The following DPP10 variants were observed in gnomAD, a reference collection of about 807,000 sequenced individuals.
DPP10 encodes dipeptidyl peptidase like 10.
Under a neutral mutation model 120.9 loss-of-function variants are expected in DPP10, and 33 were observed. The ratio of observed to expected loss-of-function variants is 0.27; its 90% CI spans 0.21 to 0.37. The LOEUF is 0.37. Among genes scored for constraint, DPP10 ranks in the 10% least tolerant of loss-of-function variants. The pLI, the probability that DPP10 is intolerant of heterozygous loss-of-function variation, is 1.00. For synonymous variants in DPP10, 337 were observed against 326.1 expected (o/e 1.03, Z -0.36); for missense variants, 816 against 942.8 (o/e 0.87, Z 1.76).
chr2:114,523,394 C>T (rs979758994), intron 1 of DPP10, among the ~76,000 whole-genome samples: 6 of 152,130 alleles, frequency 3.9e-5, no homozygotes, highest in Admixed American at 2.6e-4. Context: ...GCTTTAGCAC[C>T]AGCACCCACA....
intron 1 of DPP10, among the ~76,000 whole-genome samples, chr2:114,946,208 T>C (rs1366760426): frequency 6.6e-6 from 1 of 152,240 alleles, no homozygotes; most frequent in Non-Finnish European, 1.5e-5. Context: ...CTATTGATAT[T>C]ATTAATTGTA....
intron 1 of DPP10, among the ~76,000 whole-genome samples, chr2:115,113,868 T>C (rs1189151929): frequency 1.3e-5 from 2 of 152,220 alleles, no homozygotes; most frequent in Non-Finnish European, 2.9e-5. Flanking sequence ...TATTGCCCTA[T>C]TGAAAACTGT....
At chr2:115,049,831 A>G (rs952702579) in intron 1 of DPP10, among the ~76,000 whole-genome samples, 4 of 152,170 alleles carry the variant, frequency 2.6e-5, no homozygotes, top group African/African-American at 9.7e-5. Context: ...TTTTAAAGTG[A>G]CATTTGAACA....
chr2:115,272,628 G>T (rs905535526), intron 1 of DPP10, among the ~76,000 whole-genome samples: 1 of 152,158 alleles, frequency 6.6e-6, no homozygotes, highest in Non-Finnish European at 1.5e-5. Context: ...GTTATTCCAC[G>T]TCTCCTTCTA....
intron 1 of DPP10, among the ~76,000 whole-genome samples, chr2:114,891,303 C>T (rs972723161): frequency 3.9e-5 from 6 of 152,114 alleles, no homozygotes; most frequent in Non-Finnish European, 7.4e-5. Context: ...CGTGGGGTCA[C>T]AGAATAAGTC....
chr2:115,817,473 G>A (rs1687372926), intron 21 of DPP10, among the ~76,000 whole-genome samples: 1 of 152,090 alleles, frequency 6.6e-6, no homozygotes. Context: ...CTTAAGAAAT[G>A]AGTAAAATAC....
At chr2:114,917,365 C>T (rs77948228) in intron 1 of DPP10, among the ~76,000 whole-genome samples, 1 of 151,976 alleles carries the variant, frequency 6.6e-6, no homozygotes, top group African/African-American at 2.4e-5. Context: ...GGATAGGAGT[C>T]AATATAGTTA....
intron 1 of DPP10, among the ~76,000 whole-genome samples, chr2:114,606,028 A>G (rs1475373428): frequency 6.6e-6 from 1 of 152,138 alleles, no homozygotes; most frequent in African/African-American, 2.4e-5. Context: ...TATCTCCCAA[A>G]TGTTGAAATA....
At chr2:114,997,079 G>A (rs1169535938) in intron 1 of DPP10, among the ~76,000 whole-genome samples, 1 of 151,352 alleles carries the variant, frequency 6.6e-6, no homozygotes, top group Non-Finnish European at 1.5e-5. Context: ...GATTATGTTA[G>A]GAAAAGTGAT....
chr2:114,930,768 T>C (rs1417689823), intron 1 of DPP10, among the ~76,000 whole-genome samples: 1 of 151,706 alleles, frequency 6.6e-6, no homozygotes, highest in African/African-American at 2.4e-5. Flanking sequence ...TCAATCACAG[T>C]GGAAGATGAA....
rs375988846 is a variant in DPP10, at chr2:114,646,091, C to T, written c.60+203253C>T. Among the ~76,000 whole-genome samples the T allele has an allele frequency of 9.8e-4, 149 of 151,794 alleles. 1 individual carries two copies. The highest frequency in any genetic ancestry group is 3.2e-3 in the African/African-American group (133 of 41,364). ...AGGAGAATTGCTTGAACCCAGGAGG[C>T]GGAGGTTGCAGTGAGCTGAGATTGT... On this transcript the variant is annotated intron_variant, in intron 1 of 25. Coordinates refer to ENST00000410059, the MANE Select transcript of DPP10 (RefSeq NM_020868.6).
intron 5 of DPP10, among the ~76,000 whole-genome samples, chr2:115,569,387 G>A (rs942126760): frequency 2.6e-5 from 4 of 152,196 alleles, no homozygotes; most frequent in Non-Finnish European, 5.9e-5. Flanking sequence ...AAGGGCAAAA[G>A]TAGGCTGCAG....
chr2:115,525,784 G>C, intron 4 of DPP10, 114 bp from the exon 5 acceptor site: 1 of 704,696 alleles, frequency 1.4e-6, no homozygotes, highest in East Asian at 2.7e-5. Context: ...CAATATAAAA[G>C]AAATGAGAAT....
Position 114,633,655 on chromosome 2 carries a change from C to G in DPP10, c.60+190817C>G, listed in dbSNP as rs188971107. Among the ~76,000 whole-genome samples the G allele has an allele frequency of 5.4e-4, 81 of 151,234 alleles. No individual in the cohort carries two copies. The East Asian group carries it at 0.015, about 27-fold the overall frequency. On this transcript the variant is annotated intron_variant, in intron 1 of 25. Coordinates refer to ENST00000410059, the MANE Select transcript of DPP10 (RefSeq NM_020868.6). ...TTTGAGATGGAGTCTCATGTGTCAC[C>G]CAGACTAGAGTGCAATGGTGGGACC...
At chr2:115,728,369 C>T (rs1410944081) in intron 8 of DPP10, among the ~76,000 whole-genome samples, 1 of 151,322 alleles carries the variant, frequency 6.6e-6, no homozygotes, top group Non-Finnish European at 1.5e-5. Flanking sequence ...ACTTTATAAG[C>T]TATTGCAGAG....
chr2:114,882,863 AC>A (rs1691759030), intron 1 of DPP10, among the ~76,000 whole-genome samples: 1 of 152,178 alleles, frequency 6.6e-6, no homozygotes, highest in Non-Finnish European at 1.5e-5. Flanking sequence ...GGAGAAAAAA[AC>A]AAATCTTATA....
intron 1 of DPP10, among the ~76,000 whole-genome samples, chr2:114,609,730 G>T (rs778727406): frequency 6.6e-6 from 1 of 152,102 alleles, no homozygotes; most frequent in Non-Finnish European, 1.5e-5. Flanking sequence ...TAATGGAAAG[G>T]GTTCCTCTTG....
At chr2:114,451,895 A>G (rs1469077989) in intron 1 of DPP10, among the ~76,000 whole-genome samples, 1 of 152,190 alleles carries the variant, frequency 6.6e-6, no homozygotes, top group East Asian at 1.9e-4. Flanking sequence ...ATAAGATGTT[A>G]GTATTAGCCA....
At chr2:115,384,499 AAAGAAG>A (rs201659021) in intron 3 of DPP10, among the ~76,000 whole-genome samples, 1 of 149,900 alleles carries the variant, frequency 6.7e-6, no homozygotes, top group East Asian at 2.0e-4. Flanking sequence ...AAGAAGAGGA[AAAGAAG>A]AAGAAGAAGG....
Sources: allele counts gnomAD v4.1 joint callset (sites outside exome capture counted in the v4.1 genomes callset), GRCh38; gene constraint gnomAD v4.1.1; transcripts MANE v1.5; gene names NCBI Gene and HGNC (gene_info 2026-07-23, HGNC 2026-07-21).